ADAMTS19: variants seen among roughly 807,000 people sequenced by gnomAD.
The protein encoded by ADAMTS19 is A disintegrin and metalloproteinase with thrombospondin motifs 19.
Under a neutral mutation model 153.3 loss-of-function variants are expected in ADAMTS19, and 93 were observed. The observed-to-expected ratio is 0.61, with a 90% CI of 0.51 to 0.72. The LOEUF (loss-of-function observed/expected upper bound fraction) is 0.72. Among genes scored for constraint, ADAMTS19 ranks in the 30% least tolerant of loss-of-function variants. The pLI is 0.00. For synonymous variants in ADAMTS19, 600 were observed against 556.6 expected, an observed-to-expected ratio of 1.08 and a Z score of -1.10; for missense variants, 1,482 against 1,552.1, an observed-to-expected ratio of 0.95 and a Z score of 0.76.
intron 6 of ADAMTS19, among the ~76,000 whole-genome samples, chr5:129,534,295 C>T (rs939490988): frequency 1.3e-5 from 2 of 151,974 alleles, no homozygotes; most frequent in Admixed American, 6.6e-5. Flanking sequence ...TGGGTAAACA[C>T]CTCTACGCAA....
chr5:129,697,205 A>G (rs913679840), intron 19 of ADAMTS19, among the ~76,000 whole-genome samples: 1 of 152,268 alleles, frequency 6.6e-6, no homozygotes, highest in South Asian at 2.1e-4. Context: ...TTTAATGTCA[A>G]TGCTGTTCAG....
chr5:129,463,207 T>C (rs370138330), intron 2 of ADAMTS19, among the ~76,000 whole-genome samples: 1 of 152,316 alleles, frequency 6.6e-6, no homozygotes, highest in African/African-American at 2.4e-5. Context: ...AGAAAGTTCC[T>C]GGTGTGGTAG....
chr5:129,681,216 C>T (rs1024493336), intron 17 of ADAMTS19, among the ~76,000 whole-genome samples: 27 of 152,196 alleles, frequency 1.8e-4, no homozygotes, highest in African/African-American at 6.0e-4. Context: ...GGGGTTCTTA[C>T]TAAAATGCAT....
At chr5:129,464,381 A>T (rs149606157) in intron 2 of ADAMTS19, among the ~76,000 whole-genome samples, 4 of 152,266 alleles carry the variant, frequency 2.6e-5, no homozygotes, top group Non-Finnish European at 5.9e-5. Context: ...TTATAAATGC[A>T]ATGGCCATGA....
chr5:129,643,973 T>C (rs943746539), intron 11 of ADAMTS19, among the ~76,000 whole-genome samples: 1 of 151,932 alleles, frequency 6.6e-6, no homozygotes, highest in African/African-American at 2.4e-5. Context: ...ATCACATAGC[T>C]TGTTTGTCTT....
intron 2 of ADAMTS19, among the ~76,000 whole-genome samples, chr5:129,478,254 AT>A (rs940905039): frequency 1.3e-5 from 2 of 152,022 alleles, no homozygotes; most frequent in Non-Finnish European, 2.9e-5. Context: ...ACCAATTGTG[AT>A]TTTTTTGTCA....
At chr5:129,649,930 C>G (rs1753240873) in intron 13 of ADAMTS19, among the ~76,000 whole-genome samples, 1 of 152,166 alleles carries the variant, frequency 6.6e-6, no homozygotes, top group Non-Finnish European at 1.5e-5. Context: ...GTAATCTCAC[C>G]ATTTTGGGAG....
chr5:129,546,940 T>A lies in ADAMTS19; in HGVS notation c.1329-4924T>A, dbSNP rs544967115. Among the ~76,000 whole-genome samples, 191 of 151,132 alleles carry A rather than the reference T, an allele frequency of 1.3e-3. 2 individuals carry two copies. Among genetic ancestry groups the A allele is most frequent in the Middle Eastern group, 3.4e-3 (1 of 294 alleles). ...TGAAAAATTGAAGGGAGAGATTGGA[T>A]TAAAAGAATGTTATATTCTTGCCTT... is the stretch of plus-strand genomic sequence containing the variant. On this transcript the variant is annotated intron_variant, in intron 6 of 22. Transcript: ENST00000274487.
At chr5:129,728,631 T>A (rs917197672) in intron 21 of ADAMTS19, among the ~76,000 whole-genome samples, 52 of 152,262 alleles carry the variant, frequency 3.4e-4, no homozygotes, top group African/African-American at 9.6e-4. Flanking sequence ...AGTGGCTTTG[T>A]AGTGTAACTG....
At chr5:129,615,139 C>T (rs1220211712) in intron 8 of ADAMTS19, among the ~76,000 whole-genome samples, 1 of 151,942 alleles carries the variant, frequency 6.6e-6, no homozygotes, top group Non-Finnish European at 1.5e-5. Context: ...TCAATGCCAT[C>T]CCCATCAAGC....
intron 10 of ADAMTS19, among the ~76,000 whole-genome samples, chr5:129,630,627 T>C (rs574389479): frequency 6.6e-6 from 1 of 152,184 alleles, no homozygotes; most frequent in South Asian, 2.1e-4. Context: ...ATGTGGAATC[T>C]ACAAAACTAT....
chr5:129,590,979 A>G (rs370877194), intron 7 of ADAMTS19, among the ~76,000 whole-genome samples: 1 of 152,196 alleles, frequency 6.6e-6, no homozygotes, highest in African/African-American at 2.4e-5. Context: ...TCCTAAATAC[A>G]GTGTTGATGC....
At chr5:129,686,056 T>A (rs1755072143) in intron 18 of ADAMTS19, among the ~76,000 whole-genome samples, 1 of 152,200 alleles carries the variant, frequency 6.6e-6, no homozygotes, top group Non-Finnish European at 1.5e-5. Flanking sequence ...AGATAATGAA[T>A]GAAATGGGTA....
chr5:129,535,050 G>A (rs1208156838), intron 6 of ADAMTS19, among the ~76,000 whole-genome samples: 1 of 152,132 alleles, frequency 6.6e-6, no homozygotes, highest in African/African-American at 2.4e-5. Flanking sequence ...CATAGTGTTG[G>A]AAGTTCTGGC....
intron 16 of ADAMTS19, among the ~76,000 whole-genome samples, chr5:129,676,190 G>A (rs1754542968): frequency 6.6e-6 from 1 of 152,018 alleles, no homozygotes; most frequent in African/African-American, 2.4e-5. Flanking sequence ...GTTGGATGCT[G>A]GATATTATGA....
intron 6 of ADAMTS19, among the ~76,000 whole-genome samples, chr5:129,536,336 A>C (rs1018367038): frequency 1.3e-5 from 2 of 152,138 alleles, no homozygotes; most frequent in African/African-American, 4.8e-5. Context: ...GGCCATCAGA[A>C]AAATGCAAAT....
Position 129,613,375 on chromosome 5 carries a change from A to G in ADAMTS19, c.1479-7243A>G, listed in dbSNP as rs192563682. ...GCAATCAAACTAGAACTCAGGATTA[A>G]GAAACTCACTCAAAACCACTTAACT... On this transcript the variant is annotated intron_variant, in intron 8 of 22. Transcript: ENST00000274487. Among the ~76,000 whole-genome samples the G allele has an allele frequency of 2.0e-4, 30 of 152,356 alleles. 2 individuals are homozygous for G. Among genetic ancestry groups the G allele is most frequent in the African/African-American group, 6.5e-4 (27 of 41,582 alleles).
chr5:129,494,374 T>A (rs919620872), intron 2 of ADAMTS19, among the ~76,000 whole-genome samples: 2 of 152,164 alleles, frequency 1.3e-5, no homozygotes, highest in Non-Finnish European at 2.9e-5. Context: ...GGACACCACA[T>A]GTCTGACTCC....
chr5:129,509,326 A>T, intron 3 of ADAMTS19, 84 bp downstream of exon 3: 1 of 1,193,844 alleles, frequency 8.4e-7, no homozygotes, highest in South Asian at 1.7e-5. Flanking sequence ...TCTATTTACT[A>T]GCTTTACTTA....
Sources: allele counts gnomAD v4.1 joint callset (sites outside exome capture counted in the v4.1 genomes callset), GRCh38; gene constraint gnomAD v4.1.1; transcripts MANE v1.5; gene names NCBI Gene and HGNC (gene_info 2026-07-23, HGNC 2026-07-21).